GLIS3: variants seen among roughly 807,000 people sequenced by gnomAD.
GLIS3 encodes GLIS family zinc finger 3.
GLIS3 carries 53 observed loss-of-function variants against 78.6 expected under a neutral mutation model. That is an observed-to-expected ratio of 0.67 (90% CI 0.54 to 0.85). GLIS3 has a LOEUF of 0.85. Among genes scored for constraint, GLIS3 ranks in the 40% least tolerant of loss-of-function variants. GLIS3 has a pLI of 0.00. For synonymous variants in GLIS3, 684 were observed against 509.9 expected, an observed-to-expected ratio of 1.34 and a Z score of -4.60; for missense variants, 1,703 against 1,231.1, an observed-to-expected ratio of 1.38 and a Z score of -5.74.
chr9:3,885,002 G>C (rs908450061), intron 7 of GLIS3, among the ~76,000 whole-genome samples: 4 of 152,266 alleles, frequency 2.6e-5, no homozygotes, highest in Admixed American at 6.5e-5. Flanking sequence ...CTGTGGGTTA[G>C]AGTGCAAAAA....
chr9:4,360,500 T>TAA, the GLIS3 span, among the ~76,000 whole-genome samples: 1 of 152,212 alleles, frequency 6.6e-6, no homozygotes, highest in African/African-American at 2.4e-5. Flanking sequence ...TAACATACCT[T>TAA]AAGCCCTTTG....
At chr9:4,432,876 G>A in the GLIS3 span, among the ~76,000 whole-genome samples, 1 of 151,826 alleles carries the variant, frequency 6.6e-6, no homozygotes, top group African/African-American at 2.4e-5. Flanking sequence ...CCTAACTCCA[G>A]GTGAGCCACC....
intron 4 of GLIS3, among the ~76,000 whole-genome samples, chr9:4,062,282 T>C (rs1463406671): frequency 6.6e-6 from 1 of 152,190 alleles, no homozygotes; most frequent in African/African-American, 2.4e-5. Flanking sequence ...GTATAAGGTG[T>C]TCCTTGAGGA....
At chr9:4,328,289 C>T (rs867725383) in intron 2 of GLIS3, among the ~76,000 whole-genome samples, 7 of 152,132 alleles carry the variant, frequency 4.6e-5, no homozygotes, top group African/African-American at 1.7e-4. Context: ...ATGCTGTGGC[C>T]CCTGAAGAAG....
At chr9:4,134,178 G>T (rs1833220140) in intron 2 of GLIS3, among the ~76,000 whole-genome samples, 1 of 152,052 alleles carries the variant, frequency 6.6e-6, no homozygotes, top group Admixed American at 6.6e-5. Flanking sequence ...TTCCTAGCAA[G>T]CACAAATTCA....
rs139369451 is a variant in GLIS3 at position 3,986,341 on chromosome 9, T to G, written c.1711-49152A>C. Reference sequence around the variant, plus strand: ...TTTTGCTTGGCTCTGATGATCACTATGAATTAAATTCTAAATATGGACTGA... The same window carrying G: ...TTTTGCTTGGCTCTGATGATCACTAGGAATTAAATTCTAAATATGGACTGA... On this transcript the variant is annotated intron_variant, in intron 4 of 10. Coordinates refer to ENST00000381971, the MANE Select transcript of GLIS3 (RefSeq NM_001042413.2). Among the ~76,000 whole-genome samples, 352 of 152,356 alleles carry G rather than the reference T, an allele frequency of 2.3e-3. 2 individuals carry two copies. The highest frequency in any genetic ancestry group is 3.4e-3 in the Middle Eastern group (1 of 294).
At chr9:4,446,960 A>G in the GLIS3 span, among the ~76,000 whole-genome samples, 1 of 152,092 alleles carries the variant, frequency 6.6e-6, no homozygotes, top group Admixed American at 6.5e-5. Context: ...AATTTTTGCA[A>G]ACGTGCCCCG....
At chr9:4,262,944 A>G (rs1825660889) in intron 2 of GLIS3, among the ~76,000 whole-genome samples, 1 of 151,940 alleles carries the variant, frequency 6.6e-6, no homozygotes, top group Non-Finnish European at 1.5e-5. Context: ...AAAAAAAAAA[A>G]AAAAAAAAAA....
Position 4,125,917 on chromosome 9 carries a change from C to A in GLIS3, c.413G>T (p.Cys138Phe). Residue 138 changes from cysteine to phenylalanine, a missense_variant, in exon 3 of 11, where the codon TGC becomes TTC. Physicochemically the swap from Cys to Phe is radical, Grantham distance 205. Coordinates refer to ENST00000381971, the MANE Select transcript of GLIS3 (RefSeq NM_001042413.2). ...GKGALGFGPQ[C>F]KSIGKGSCNN... ...GCAGCTGCCTTTTCCAATGGACTTG[C>A]ACTGAGGCCCAAAGCCAAGAGCCCC... 4 of 1,613,942 alleles carry A rather than the reference C, an allele frequency of 2.5e-6. No homozygotes were observed. The highest frequency in any genetic ancestry group is 3.4e-6 in the Non-Finnish European group (4 of 1,179,904).
intron 2 of GLIS3, among the ~76,000 whole-genome samples, chr9:4,190,233 C>T (rs533167494): frequency 2.6e-5 from 4 of 152,216 alleles, no homozygotes; most frequent in East Asian, 1.9e-4. Context: ...CAAACTACTC[C>T]GAGCTACAGG....
chr9:4,108,273 T>A (rs1012297808), intron 4 of GLIS3, among the ~76,000 whole-genome samples: 1 of 152,194 alleles, frequency 6.6e-6, no homozygotes, highest in Non-Finnish European at 1.5e-5. Flanking sequence ...GCCAGCACAC[T>A]GAATCTTTTC....
intron 2 of GLIS3, among the ~76,000 whole-genome samples, chr9:4,221,542 C>G (rs570063550): frequency 1.0e-3 from 159 of 151,912 alleles, no homozygotes; most frequent in Admixed American, 2.7e-3. Context: ...CAAGAGGCTT[C>G]GAAATTTCTC....
At chr9:4,266,651 C>G (rs959753834) in intron 2 of GLIS3, among the ~76,000 whole-genome samples, 3 of 151,542 alleles carry the variant, frequency 2.0e-5, no homozygotes, top group African/African-American at 7.3e-5. Context: ...CAACCTCATG[C>G]TTCTGGACTG....
chr9:4,035,676 G>A lies in GLIS3; in HGVS notation c.1710+82092C>T, dbSNP rs1007961295. ...TGCCAGAATAAGCTTCCCAAAGCAC[G>A]GGTCAGGGATGGCCCCTCCTCAGAA... On this transcript the variant is annotated intron_variant, in intron 4 of 10. Transcript: ENST00000381971. 7.2e-5 allele frequency among the ~76,000 whole-genome samples: 11 copies of A among 151,914 alleles called. No homozygotes were observed. The South Asian group carries it at 8.3e-4, about 12-fold the overall frequency.
At position 4,145,404 on chromosome 9, in the gene GLIS3, T is replaced by G. The variant is rs375143129; in HGVS notation, c.389-19463A>C. On this transcript the variant is annotated intron_variant, in intron 2 of 10. Coordinates refer to ENST00000381971, the MANE Select transcript of GLIS3 (RefSeq NM_001042413.2). ...GTGTTATTTTCTATAAGCAAACATA[T>G]CTTTAGGTTGCCAAGGCTAGTACCT... 3.7e-4 allele frequency among the ~76,000 whole-genome samples: 56 copies of G among 152,220 alleles called. No individual in the cohort carries two copies. The South Asian group carries it at 0.012, about 32-fold the overall frequency.
the GLIS3 span, among the ~76,000 whole-genome samples, chr9:4,398,152 G>T: frequency 6.6e-6 from 1 of 151,964 alleles, no homozygotes; most frequent in South Asian, 2.1e-4. Flanking sequence ...TGATTTATCA[G>T]AATATTTTTT....
chr9:4,240,379 C>T lies in GLIS3; in HGVS notation c.388+45659G>A, dbSNP rs1401383624. ...GAGGCACAGCTCAGGCAGTCATGTT[C>T]ACTCACCCACCACTCACCTCCTGCT... On this transcript the variant is annotated intron_variant, in intron 2 of 10. Coordinates refer to ENST00000381971, the MANE Select transcript of GLIS3 (RefSeq NM_001042413.2). 2.0e-5 allele frequency among the ~76,000 whole-genome samples: 3 copies of T among 152,282 alleles called. No homozygotes were observed. The East Asian group carries it at 5.8e-4, about 29-fold the overall frequency.
chr9:4,131,692 A>C (rs1350033584), intron 2 of GLIS3, among the ~76,000 whole-genome samples: 1 of 152,186 alleles, frequency 6.6e-6, no homozygotes, highest in Non-Finnish European at 1.5e-5. Flanking sequence ...CAGAACTGTG[A>C]ACCAATTAAA....
the GLIS3 span, among the ~76,000 whole-genome samples, chr9:4,371,932 T>TCTGCCTGTCTGCTCACCC: frequency 6.6e-6 from 1 of 152,208 alleles, no homozygotes; most frequent in Non-Finnish European, 1.5e-5. Flanking sequence ...GATGCTCAGC[T>TCTGCCTGTCTGCTCACCC]CTGCCTGTCT....
Sources: gnomAD v4.1 joint callset for allele counts (sites outside exome capture counted in the v4.1 genomes callset) on GRCh38, gnomAD v4.1.1 for gene constraint, MANE v1.5 for transcripts, NCBI Gene and HGNC (gene_info 2026-07-23, HGNC 2026-07-21) for gene names.